STARD9: variants seen among roughly 807,000 people sequenced by gnomAD.
The protein encoded by STARD9 is StAR related lipid transfer domain containing 9.
STARD9 carries 346 observed loss-of-function variants against 399.8 expected under a neutral mutation model. The ratio of observed to expected loss-of-function variants is 0.87; its 90% CI spans 0.79 to 0.95. The LOEUF (loss-of-function observed/expected upper bound fraction) is 0.95, where lower values mean the gene tolerates loss of function less well. Ranked by LOEUF, STARD9 falls within the 40% of genes least tolerant of loss-of-function variation. The pLI is 0.00. For synonymous variants in STARD9, 2,203 were observed against 2,143.5 expected, an observed-to-expected ratio of 1.03 and a Z score of -0.77; for missense variants, 5,832 against 5,667.5, an observed-to-expected ratio of 1.03 and a Z score of -0.93.
At position 42,687,007 on chromosome 15, in the gene STARD9, C is replaced by T; in HGVS notation, c.5429C>T (p.Ala1810Val). 4 of 1,536,878 alleles carry T rather than the reference C, an allele frequency of 2.6e-6. No individual in the cohort carries two copies. Among genetic ancestry groups the T allele is most frequent in the Non-Finnish European group, 2.6e-6 (3 of 1,146,806 alleles). ...TTACAAAACCAGAATTCTAAGATTGCCTCATCTCAGCAGGTCACAGCTGAG... is the reference window on the plus strand; with the variant it reads ...TTACAAAACCAGAATTCTAAGATTGTCTCATCTCAGCAGGTCACAGCTGAG... Reference protein sequence around the residue: ...VLLQNQNSKIASSQQVTAEIP... With the variant: ...VLLQNQNSKIVSSQQVTAEIP... The change falls in exon 23 of 33, where the codon GCC (alanine) becomes GTC (valine). Residue 1810 changes from alanine (A) to valine (V), a missense_variant. By Grantham distance (64) the Ala-to-Val change is moderately conservative (BLOSUM62 0). Around this residue, in one of 2 missense-constraint regions of STARD9, gnomAD observed 5,828 missense variants for 5,651.1 expected, o/e 1.03. Coordinates refer to ENST00000290607, the MANE Select transcript of STARD9 (RefSeq NM_020759.3).
chr15:42,638,723 G>T lies in STARD9; in HGVS notation c.470G>T (p.Arg157Leu). The T allele has an allele frequency of 6.5e-7, 1 of 1,535,402 alleles. No homozygotes were observed. The highest frequency in any genetic ancestry group is 8.7e-7 in the Non-Finnish European group (1 of 1,145,818). ...AGTTTTCTAGAAATCTATAATGAACGGGTGCGGGATCTGTTGAAGCAATCT... is the reference window on the plus strand; with the variant it reads ...AGTTTTCTAGAAATCTATAATGAACTGGTGCGGGATCTGTTGAAGCAATCT... ...KVSFLEIYNE[R>L]VRDLLKQSGQ... Residue 157 changes from arginine to leucine, a missense_variant, in exon 7 of 33, where the codon CGG (arginine) becomes CTG (leucine). This residue lies in a region of STARD9 where 5,828 missense variants were observed against 5,651.1 expected (regional missense o/e 1.03). Transcript: ENST00000290607.
At chr15:42,641,405 G>C (rs1212814) in intron 7 of STARD9, among the ~76,000 whole-genome samples, 100,596 of 151,792 alleles carry the variant, frequency 0.66, 36,464 homozygotes, top group East Asian at 0.89. Context: ...TAGGGTACAT[G>C]TGCACAATGT....
intron 7 of STARD9, among the ~76,000 whole-genome samples, chr15:42,650,667 C>G (rs988293102): frequency 6.6e-6 from 1 of 152,200 alleles, no homozygotes; most frequent in Non-Finnish European, 1.5e-5. Context: ...GAAAACAACA[C>G]TGGCCTACCT....
At chr15:42,659,110 CGAAA>C (rs959445835) in intron 9 of STARD9, among the ~76,000 whole-genome samples, 14 of 151,330 alleles carry the variant, frequency 9.3e-5, no homozygotes, top group Non-Finnish European at 1.9e-4. Flanking sequence ...AAGACTCCCT[CGAAA>C]GAAAGAAAGA....
At chr15:42,635,942 A>G (rs2141921103) in intron 4 of STARD9, among the ~76,000 whole-genome samples, 1 of 152,250 alleles carries the variant, frequency 6.6e-6, no homozygotes, top group South Asian at 2.1e-4. Context: ...TTCCTTTATC[A>G]CAGAAAATCA....
intron 20 of STARD9, among the ~76,000 whole-genome samples, chr15:42,677,599 C>T (rs751072131): frequency 5.3e-5 from 8 of 152,176 alleles, no homozygotes; most frequent in Non-Finnish European, 1.2e-4. Flanking sequence ...CAGAAAATAA[C>T]ACTGCAACTT....
intron 1 of STARD9, among the ~76,000 whole-genome samples, chr15:42,576,370 C>T (rs1322857847): frequency 6.6e-6 from 1 of 152,172 alleles, no homozygotes; most frequent in Non-Finnish European, 1.5e-5. Flanking sequence ...TATTTTGATT[C>T]CGCACCTCTC....
intron 2 of STARD9, among the ~76,000 whole-genome samples, chr15:42,584,127 T>C (rs1055669166): frequency 6.6e-6 from 1 of 151,970 alleles, no homozygotes; most frequent in African/African-American, 2.4e-5. Flanking sequence ...AAGCTGACCA[T>C]GTGACTTTTG....
intron 9 of STARD9, among the ~76,000 whole-genome samples, chr15:42,660,182 G>C (rs994996725): frequency 9.2e-5 from 14 of 152,202 alleles, no homozygotes; most frequent in African/African-American, 3.1e-4. Flanking sequence ...CTTCAAGCTG[G>C]GGATGGGAAC....
At position 42,689,683 on chromosome 15, in the gene STARD9, T is replaced by C. The variant is rs1360348112; in HGVS notation, c.8105T>C (p.Ile2702Thr). Residue 2702 changes from isoleucine to threonine, a missense_variant, in exon 23 of 33, where the codon ATA becomes ACA. Around this residue, in one of 2 missense-constraint regions of STARD9, gnomAD observed 5,828 missense variants for 5,651.1 expected, o/e 1.03. Coordinates refer to ENST00000290607, the MANE Select transcript of STARD9 (RefSeq NM_020759.3). ...TGTCACTCTAGTTCTTCTGAAATCATAGAGAAAAAGAAAGATGCAACCAGA... is the reference window on the plus strand; with the variant it reads ...TGTCACTCTAGTTCTTCTGAAATCACAGAGAAAAAGAAAGATGCAACCAGA... ...FICHSSSSEI[I>T]EKKKDATRTP... The C allele has an allele frequency of 6.5e-7, 1 of 1,537,768 alleles. No individual in the cohort carries two copies. The highest frequency in any genetic ancestry group is 1.2e-5 in the South Asian group (1 of 84,052).
intron 20 of STARD9, among the ~76,000 whole-genome samples, chr15:42,680,158 T>C (rs2060396474): frequency 6.6e-6 from 1 of 152,154 alleles, no homozygotes; most frequent in Non-Finnish European, 1.5e-5. Flanking sequence ...GGGATGAAGA[T>C]ACCCTGCAGA....
chr15:42,650,643 T>G (rs905704877), intron 7 of STARD9, among the ~76,000 whole-genome samples: 2 of 152,210 alleles, frequency 1.3e-5, no homozygotes, highest in African/African-American at 4.8e-5. Flanking sequence ...AAACCGAGTC[T>G]GCCACCTTGT....
intron 15 of STARD9, among the ~76,000 whole-genome samples, chr15:42,668,268 A>G (rs2060141348): frequency 6.6e-6 from 1 of 152,194 alleles, no homozygotes; most frequent in African/African-American, 2.4e-5. Context: ...ACTTCAACTC[A>G]ATGATTATTA....
intron 9 of STARD9, among the ~76,000 whole-genome samples, chr15:42,655,422 A>G (rs879456724): frequency 1.3e-5 from 2 of 152,248 alleles, no homozygotes; most frequent in Non-Finnish European, 2.9e-5. Flanking sequence ...GAAAATGCAG[A>G]AATAAAGCCA....
chr15:42,717,094 C>T, intron 28 of STARD9, 46 bp downstream of exon 28: 7 of 1,529,236 alleles, frequency 4.6e-6, no homozygotes, highest in Non-Finnish European at 5.3e-6. Flanking sequence ...TTACCCAGAC[C>T]TCTGCTGGGT....
At chr15:42,661,466 C>G (rs1330871096) in intron 10 of STARD9, among the ~76,000 whole-genome samples, 2 of 151,804 alleles carry the variant, frequency 1.3e-5, no homozygotes, top group Non-Finnish European at 2.9e-5. Context: ...TTGAGACAGT[C>G]TTACTCTGTT....
rs1769807660 is a variant in STARD9, at chr15:42,694,710, T to C, written c.12947T>C (p.Val4316Ala). The change falls in exon 24 of 33, where the codon GTT (valine) becomes GCT (alanine). Residue 4316 changes from valine to alanine, a missense_variant. Physicochemically the swap from Val to Ala is moderately conservative, Grantham distance 64 (BLOSUM62 0). This residue lies in a region of STARD9 where 5,828 missense variants were observed against 5,651.1 expected (regional missense o/e 1.03). Coordinates refer to ENST00000290607, the MANE Select transcript of STARD9 (RefSeq NM_020759.3). The stretch of plus-strand genomic sequence containing the variant: ...TACCTGCAGCAACTGAGGAAGGATG[T>C]TGTGGAGACCACCAGGTAGTGTGGA... ...REYLQQLRKD[V>A]VETTRSPESV... is the part of the protein sequence containing the mutation. The C allele has an allele frequency of 1.3e-6, 2 of 1,537,088 alleles. No individual in the cohort carries two copies. Among genetic ancestry groups the C allele is most frequent in the Non-Finnish European group, 1.7e-6 (2 of 1,146,844 alleles).
intron 2 of STARD9, 111 bp from the exon 3 acceptor site, chr15:42,585,410 G>C: frequency 1.7e-6 from 1 of 596,164 alleles, no homozygotes; most frequent in East Asian, 2.8e-5. Flanking sequence ...AATATAAACA[G>C]TCTCATGACC....
At position 42,634,934 on chromosome 15, in the gene STARD9, A is replaced by G; in HGVS notation, c.313A>G (p.Thr105Ala). 6.5e-7 allele frequency: 1 copy of G among 1,537,050 alleles called. No individual in the cohort carries two copies. Among genetic ancestry groups the G allele is most frequent in the Non-Finnish European group, 8.7e-7 (1 of 1,146,718 alleles). Residue 105 changes from threonine to alanine, a missense_variant, in exon 4 of 33, where the codon ACA becomes GCA. This residue lies in a region of STARD9 where 5,828 missense variants were observed against 5,651.1 expected (regional missense o/e 1.03). Coordinates refer to ENST00000290607, the MANE Select transcript of STARD9 (RefSeq NM_020759.3). ...YNICLFAYGQ[T>A]GSGKTYTMLG... is the part of the protein sequence containing the mutation. ...CATATGCCTTTTTGCTTATGGACAG[A>G]CAGGCTCTGGGAAGACATATACCAT...
Sources: gnomAD v4.1 joint callset for allele counts (sites outside exome capture counted in the v4.1 genomes callset) on GRCh38, gnomAD v4.1.1 for gene constraint, gnomAD v4.1.1 regional missense constraint, MANE v1.5 for transcripts, NCBI Gene and HGNC (gene_info 2026-07-23, HGNC 2026-07-21) for gene names.